NR2F1-AS1: variants seen among roughly 807,000 people sequenced by gnomAD.
NR2F1-AS1 encodes NR2F1 regulatory antisense RNA 1.
chr5:93,425,931 T>A (rs1749185501), intron 4 of NR2F1-AS1, among the ~76,000 whole-genome samples: 1 of 150,556 alleles, frequency 6.6e-6, no homozygotes, highest in Non-Finnish European at 1.5e-5. Flanking sequence ...AAATTAAATT[T>A]AAAACAAAGA....
chr5:93,535,358 A>G (rs1751817881), intron 4 of NR2F1-AS1, among the ~76,000 whole-genome samples: 1 of 151,632 alleles, frequency 6.6e-6, no homozygotes, highest in Non-Finnish European at 1.5e-5. Flanking sequence ...TAATAAATAT[A>G]AAAAATTTAA....
chr5:93,438,990 T>C (rs1749501030), intron 4 of NR2F1-AS1, among the ~76,000 whole-genome samples: 1 of 152,238 alleles, frequency 6.6e-6, no homozygotes, highest in Non-Finnish European at 1.5e-5. Flanking sequence ...TGTAAACATA[T>C]ATCAAAGCAT....
At chr5:93,456,894 G>A (rs896724292) in intron 4 of NR2F1-AS1, among the ~76,000 whole-genome samples, 2 of 151,994 alleles carry the variant, frequency 1.3e-5, no homozygotes, top group Non-Finnish European at 2.9e-5. Context: ...CATAAACAAG[G>A]TAAAGAAAAA....
intron 1 of NR2F1-AS1, among the ~76,000 whole-genome samples, chr5:93,566,023 G>A (rs986878321): frequency 9.2e-5 from 14 of 151,604 alleles, no homozygotes; most frequent in Admixed American, 3.9e-4. Context: ...GTGTTTCATC[G>A]TCAGATTGGC....
intron 4 of NR2F1-AS1, among the ~76,000 whole-genome samples, chr5:93,539,054 G>A (rs892638746): frequency 6.6e-6 from 1 of 152,118 alleles, no homozygotes; most frequent in Admixed American, 6.6e-5. Flanking sequence ...CGAGGCAGGC[G>A]GATCACTTGA....
intron 4 of NR2F1-AS1, among the ~76,000 whole-genome samples, chr5:93,545,272 A>G (rs1359218519): frequency 6.6e-6 from 1 of 152,232 alleles, no homozygotes; most frequent in African/African-American, 2.4e-5. Context: ...TATACTTCAT[A>G]TTCACTTAAG....
chr5:93,585,028 C>T, upstream of NR2F1-AS1: 1 of 1,022,178 alleles, frequency 9.8e-7, no homozygotes, highest in Non-Finnish European at 1.2e-6. Context: ...AAAGATATGG[C>T]AATGGTAGTT....
intron 1 of NR2F1-AS1, among the ~76,000 whole-genome samples, chr5:93,565,089 T>C (rs1337244249): frequency 6.6e-6 from 1 of 151,968 alleles, no homozygotes; most frequent in African/African-American, 2.4e-5. Flanking sequence ...CAATGTGGAG[T>C]GAGGAAAAGA....
At chr5:93,507,326 GTTTTTTTT>G (rs1751205509) in intron 4 of NR2F1-AS1, among the ~76,000 whole-genome samples, 2 of 119,582 alleles carry the variant, frequency 1.7e-5, no homozygotes, top group Non-Finnish European at 3.6e-5. Flanking sequence ...GGGATTTGGG[GTTTTTTTT>G]GTTTTGTTTT....
chr5:93,418,423 C>T (rs1004073429), intron 4 of NR2F1-AS1, among the ~76,000 whole-genome samples: 1 of 152,042 alleles, frequency 6.6e-6, no homozygotes, highest in Non-Finnish European at 1.5e-5. Context: ...CCCGCCTCTA[C>T]TAAAAATACA....
At position 93,513,681 on chromosome 5, in the gene NR2F1-AS1, G is replaced by C. The variant is rs146693497; in HGVS notation, n.638+40080C>G. Among the ~76,000 whole-genome samples the C allele has an allele frequency of 3.1e-3, 474 of 152,176 alleles. 1 individual carries two copies. Among genetic ancestry groups the C allele is most frequent in the African/African-American group, 0.011 (452 of 41,526 alleles). On this transcript the variant is annotated intron_variant and non_coding_transcript_variant, in intron 4 of 5. Coordinates refer to ENST00000660523, the Ensembl canonical transcript of NR2F1-AS1. ...GGGAGAGAGAAGGCAGGGGGCAAAA[G>C]CTGAAAAGCTAACTACTGGGTACTA...
At chr5:93,486,448 A>C (rs906770097) in intron 4 of NR2F1-AS1, among the ~76,000 whole-genome samples, 11 of 152,132 alleles carry the variant, frequency 7.2e-5, no homozygotes, top group Non-Finnish European at 1.5e-4. Flanking sequence ...AACTACCATC[A>C]GAGAATACTA....
chr5:93,442,578 G>A (rs1422963469), intron 4 of NR2F1-AS1, among the ~76,000 whole-genome samples: 3 of 152,226 alleles, frequency 2.0e-5, no homozygotes, highest in Admixed American at 1.3e-4. Context: ...ACAGCTCAAG[G>A]AGGCCTGCCT....
chr5:93,429,773 C>A (rs1282597918), intron 4 of NR2F1-AS1, among the ~76,000 whole-genome samples: 2 of 152,064 alleles, frequency 1.3e-5, no homozygotes, highest in African/African-American at 4.8e-5. Flanking sequence ...GTGTTTCAAC[C>A]CTATTCATTC....
At chr5:93,458,039 A>G (rs902302374) in intron 4 of NR2F1-AS1, among the ~76,000 whole-genome samples, 16 of 152,160 alleles carry the variant, frequency 1.1e-4, no homozygotes, top group African/African-American at 3.6e-4. Context: ...CCTAGAGAAA[A>G]GCACCCACGT....
chr5:93,513,832 C>T (rs1751348953), intron 4 of NR2F1-AS1, among the ~76,000 whole-genome samples: 1 of 152,016 alleles, frequency 6.6e-6, no homozygotes, highest in Non-Finnish European at 1.5e-5. Context: ...TCTTTAATGT[C>T]TCCTGGAATT....
At chr5:93,452,392 C>T (rs1561444810) in intron 4 of NR2F1-AS1, among the ~76,000 whole-genome samples, 1 of 152,138 alleles carries the variant, frequency 6.6e-6, no homozygotes, top group Non-Finnish European at 1.5e-5. Flanking sequence ...CAGCTTATCA[C>T]CCAGAAGCAT....
chr5:93,585,009 C>A, upstream of NR2F1-AS1: 2 of 1,001,356 alleles, frequency 2.0e-6, no homozygotes, highest in Non-Finnish European at 2.4e-6. Context: ...CCCAGCGCTC[C>A]CCGGGCCCAA....
intron 4 of NR2F1-AS1, among the ~76,000 whole-genome samples, chr5:93,502,776 T>C (rs1239069812): frequency 2.0e-5 from 3 of 152,198 alleles, no homozygotes; most frequent in African/African-American, 7.2e-5. Flanking sequence ...GGTATGATGG[T>C]AATCCCATGC....
Sources: allele counts gnomAD v4.1 joint callset (sites outside exome capture counted in the v4.1 genomes callset), GRCh38; gene constraint gnomAD v4.1.1; transcripts MANE v1.5; gene names NCBI Gene and HGNC (gene_info 2026-07-23, HGNC 2026-07-21).